Variants in POFUT3 observed in about 807,000 individuals in gnomAD.
POFUT3 encodes the protein protein O-fucosyltransferase 3.
At chr8:33,364,245 T>C in the POFUT3 span, among the ~76,000 whole-genome samples, 148 of 152,270 alleles carry the variant, frequency 9.7e-4, no homozygotes, top group Non-Finnish European at 1.9e-3. Flanking sequence ...AAACTCTCAA[T>C]AAACTAGGTA....
At chr8:33,431,931 C>A in the POFUT3 span, among the ~76,000 whole-genome samples, 8 of 152,152 alleles carry the variant, frequency 5.3e-5, no homozygotes, top group Non-Finnish European at 4.4e-5. Context: ...GTCCCCAACA[C>A]ATTCCCTCTG....
chr8:33,384,475 A>G, the POFUT3 span, among the ~76,000 whole-genome samples: 2 of 152,094 alleles, frequency 1.3e-5, no homozygotes, highest in African/African-American at 4.8e-5. Flanking sequence ...CTCATGGGGA[A>G]CTTCCTTGTC....
chr8:33,412,306 G>T, the POFUT3 span, among the ~76,000 whole-genome samples: 1 of 152,118 alleles, frequency 6.6e-6, no homozygotes, highest in Admixed American at 6.5e-5. Flanking sequence ...GTAAGTCAAA[G>T]CAAAAGCAGA....
chr8:33,469,920 C>T, the POFUT3 span, among the ~76,000 whole-genome samples: 3 of 150,876 alleles, frequency 2.0e-5, no homozygotes, highest in South Asian at 4.2e-4. Flanking sequence ...CTCAGCCTCC[C>T]GAGTAGCTGG....
the POFUT3 span, among the ~76,000 whole-genome samples, chr8:33,469,263 G>A: frequency 6.6e-5 from 10 of 152,244 alleles, no homozygotes; most frequent in South Asian, 2.1e-4. Flanking sequence ...CCGAGATCGC[G>A]CCACTGCACT....
At chr8:33,392,055 A>G in the POFUT3 span, among the ~76,000 whole-genome samples, 1 of 152,124 alleles carries the variant, frequency 6.6e-6, no homozygotes, top group African/African-American at 2.4e-5. Flanking sequence ...GCTGCCTTTA[A>G]TAGTGGGAGA....
chr8:33,378,766 C>G, the POFUT3 span, among the ~76,000 whole-genome samples: 1 of 152,124 alleles, frequency 6.6e-6, no homozygotes, highest in African/African-American at 2.4e-5. Context: ...TAAACATAGG[C>G]AATAGCAGTG....
At chr8:33,453,257 G>A in the POFUT3 span, 1 of 1,614,076 alleles carries the variant, frequency 6.2e-7, no homozygotes, top group African/African-American at 1.3e-5. Flanking sequence ...ATGGAGGTAG[G>A]TCCGGTTGAT....
chr8:33,384,593 G>A, the POFUT3 span, among the ~76,000 whole-genome samples: 1 of 152,088 alleles, frequency 6.6e-6, no homozygotes, highest in Non-Finnish European at 1.5e-5. Flanking sequence ...GCCGAGGTGG[G>A]TGGACCACCT....
the POFUT3 span, among the ~76,000 whole-genome samples, chr8:33,368,401 G>A: frequency 1.3e-5 from 2 of 152,158 alleles, no homozygotes; most frequent in Non-Finnish European, 2.9e-5. Context: ...TTTAATCCCA[G>A]GATATAGATG....
the POFUT3 span, among the ~76,000 whole-genome samples, chr8:33,355,801 C>T: frequency 6.6e-6 from 1 of 152,116 alleles, no homozygotes; most frequent in African/African-American, 2.4e-5. Context: ...AGGTATATCT[C>T]CTAATGCTAT....
the POFUT3 span, among the ~76,000 whole-genome samples, chr8:33,349,334 A>G: frequency 6.6e-6 from 1 of 152,134 alleles, no homozygotes; most frequent in Admixed American, 6.5e-5. Context: ...TTTTTGTTAC[A>G]TAGATAAGTT....
the POFUT3 span, among the ~76,000 whole-genome samples, chr8:33,455,253 G>T: frequency 6.6e-6 from 1 of 152,136 alleles, no homozygotes; most frequent in Non-Finnish European, 1.5e-5. Flanking sequence ...ATTTATTCCA[G>T]GATAGTCTAA....
the POFUT3 span, among the ~76,000 whole-genome samples, chr8:33,400,815 C>G: frequency 6.6e-6 from 1 of 152,146 alleles, no homozygotes; most frequent in African/African-American, 2.4e-5. Flanking sequence ...AGACCGTAAG[C>G]AACACAGCAT....
At chr8:33,427,304 G>A in the POFUT3 span, among the ~76,000 whole-genome samples, 12 of 152,068 alleles carry the variant, frequency 7.9e-5, no homozygotes, top group South Asian at 2.1e-4. Context: ...AGGGCCAGGC[G>A]TGGTGGCTCA....
chr8:33,323,489 G>C, the POFUT3 span, among the ~76,000 whole-genome samples: 1 of 152,142 alleles, frequency 6.6e-6, no homozygotes, highest in African/African-American at 2.4e-5. Flanking sequence ...TGTGCTGATT[G>C]ACCTTCACTT....
At chr8:33,388,222 G>T in the POFUT3 span, among the ~76,000 whole-genome samples, 1 of 152,026 alleles carries the variant, frequency 6.6e-6, no homozygotes, top group African/African-American at 2.4e-5. Flanking sequence ...GTTTGAAAGT[G>T]GAGGCTGTGG....
chr8:33,423,552 G>T, the POFUT3 span, among the ~76,000 whole-genome samples: 2 of 152,080 alleles, frequency 1.3e-5, no homozygotes, highest in African/African-American at 4.8e-5. Flanking sequence ...TTACAGGTGT[G>T]AGCCACCATT....
chr8:33,456,010 A>C, the POFUT3 span: 4 of 340,018 alleles, frequency 1.2e-5, no homozygotes, highest in Admixed American at 7.8e-5. Flanking sequence ...CAAAGTCAAC[A>C]CTAGAGCAGC....
Sources: allele counts gnomAD v4.1 joint callset (sites outside exome capture counted in the v4.1 genomes callset), GRCh38; gene constraint gnomAD v4.1.1; transcripts MANE v1.5; gene names NCBI Gene and HGNC (gene_info 2026-07-23, HGNC 2026-07-21).